MLXIP: variants seen among roughly 807,000 people sequenced by gnomAD.
MLXIP encodes the protein MLX interacting protein.
In MLXIP, 30 loss-of-function variants were observed where a neutral mutation model predicts 87.2. That is an observed-to-expected ratio of 0.34 (90% CI 0.26 to 0.47). The LOEUF (loss-of-function observed/expected upper bound fraction) is 0.47, where lower values mean the gene tolerates loss of function less well. MLXIP is among the 20% of genes least tolerant of loss of function. The pLI is 1.00. For missense variants in MLXIP, 1,002 were observed against 1,240.1 expected, an observed-to-expected ratio of 0.81 and a Z score of 2.88; for synonymous variants, 530 against 514.0, an observed-to-expected ratio of 1.03 and a Z score of -0.42.
chr12:122,086,718 G>A (rs535316591), intron 1 of MLXIP, among the ~76,000 whole-genome samples: 6 of 152,118 alleles, frequency 3.9e-5, no homozygotes, highest in Non-Finnish European at 8.8e-5. Flanking sequence ...CCCTCGTGCT[G>A]GCCTGTGGAA....
At chr12:122,090,753 A>G (rs1952234502) in intron 1 of MLXIP, among the ~76,000 whole-genome samples, 1 of 152,232 alleles carries the variant, frequency 6.6e-6, no homozygotes, top group Non-Finnish European at 1.5e-5. Flanking sequence ...ACCTGAAGCT[A>G]TCTTCCCAGA....
intron 1 of MLXIP, among the ~76,000 whole-genome samples, chr12:122,122,769 G>C (rs1053407943): frequency 6.6e-6 from 1 of 151,774 alleles, no homozygotes; most frequent in Non-Finnish European, 1.5e-5. Context: ...GGATGGTCTC[G>C]ATCTCTTGAC....
chr12:122,109,113 A>G (rs956499341), intron 1 of MLXIP, among the ~76,000 whole-genome samples: 1 of 152,204 alleles, frequency 6.6e-6, no homozygotes, highest in African/African-American at 2.4e-5. Flanking sequence ...TTGTATTTTT[A>G]GTAGAGATGG....
Position 122,127,871 on chromosome 12 carries a change from C to G in MLXIP, c.521-12C>G, listed in dbSNP as rs545374965. The stretch of plus-strand genomic sequence containing the variant: ...GGATCATGGTGCTGACTCTCACCCT[C>G]TCTCTGCTCAGATCTGGAGAAGCGC... On this transcript the variant is annotated splice_polypyrimidine_tract_variant and intron_variant, in intron 2 of 16. Transcript: ENST00000319080. 1.1e-5 allele frequency: 18 copies of G among 1,612,918 alleles called. No homozygotes were observed. The East Asian group carries it at 3.8e-4, about 34-fold the overall frequency.
intron 1 of MLXIP, among the ~76,000 whole-genome samples, chr12:122,115,482 A>T (rs1472106136): frequency 1.3e-5 from 2 of 150,256 alleles, no homozygotes; most frequent in African/African-American, 2.4e-5. Flanking sequence ...CCAACTACTC[A>T]GGAGGCTGAG....
At chr12:122,097,020 C>T (rs1042982883) in intron 1 of MLXIP, among the ~76,000 whole-genome samples, 11 of 152,202 alleles carry the variant, frequency 7.2e-5, no homozygotes, top group African/African-American at 2.7e-4. Context: ...CAGATTGAGT[C>T]CGGAGATGCC....
At chr12:122,139,224 C>T (rs963635640) in intron 15 of MLXIP, among the ~76,000 whole-genome samples, 7 of 152,166 alleles carry the variant, frequency 4.6e-5, no homozygotes, top group Non-Finnish European at 1.0e-4. Flanking sequence ...ATGCTAGAGC[C>T]ACTTGCAGAA....
chr12:122,129,299 C>T (rs1008067369), intron 4 of MLXIP, 73 bp downstream of exon 4: 49 of 1,367,856 alleles, frequency 3.6e-5, no homozygotes, highest in South Asian at 6.2e-5. Context: ...GGGCCCTGGC[C>T]GAGGCGGTAG....
At chr12:122,127,828 G>A in intron 2 of MLXIP, 55 bp from the exon 3 acceptor site, 5 of 1,454,428 alleles carry the variant, frequency 3.4e-6, no homozygotes, top group Non-Finnish European at 4.8e-6. Flanking sequence ...AGACAGGCTG[G>A]GGCTCCCTCA....
At chr12:122,101,561 TA>T (rs1250594670) in intron 1 of MLXIP, among the ~76,000 whole-genome samples, 8 of 142,112 alleles carry the variant, frequency 5.6e-5, no homozygotes, top group South Asian at 4.3e-4. Flanking sequence ...TTTATTTATT[TA>T]TTTATTTTTT....
chr12:122,121,768 C>A (rs1026542452), intron 1 of MLXIP, among the ~76,000 whole-genome samples: 1 of 152,250 alleles, frequency 6.6e-6, no homozygotes, highest in East Asian at 1.9e-4. Context: ...TCTTGCCAGC[C>A]CTCTGAGGAA....
chr12:122,099,518 G>T (rs1209436886), intron 1 of MLXIP, among the ~76,000 whole-genome samples: 1 of 152,236 alleles, frequency 6.6e-6, no homozygotes, highest in Non-Finnish European at 1.5e-5. Flanking sequence ...CTGTGGTCAG[G>T]TTCCCCACCT....
chr12:122,106,097 G>A (rs1952515670), intron 1 of MLXIP, among the ~76,000 whole-genome samples: 1 of 152,220 alleles, frequency 6.6e-6, no homozygotes. Context: ...TGCACTGTGG[G>A]TGGTGTTATC....
chr12:122,132,242 G>A, intron 7 of MLXIP, 50 bp from the exon 8 acceptor site: 2 of 1,451,498 alleles, frequency 1.4e-6, no homozygotes, highest in Non-Finnish European at 1.9e-6. Context: ...CTTGATTCCA[G>A]CAAATGCTGG....
chr12:122,101,562 ATTTAT>A (rs1214131767), intron 1 of MLXIP, among the ~76,000 whole-genome samples: 1 of 122,164 alleles, frequency 8.2e-6, no homozygotes, highest in Middle Eastern at 4.3e-3. Flanking sequence ...TTATTTATTT[ATTTAT>A]TTTTTTCTTT....
chr12:122,090,786 T>G (rs1952234996), intron 1 of MLXIP, among the ~76,000 whole-genome samples: 2 of 152,172 alleles, frequency 1.3e-5, no homozygotes, highest in South Asian at 4.1e-4. Flanking sequence ...TGAAAACAAC[T>G]TTTGCAATGA....
In MLXIP at chr12:122,135,734, G is replaced by A. The variant is rs1953079211; in HGVS notation, c.2032+68G>A. ...AGTAACTGGGCCTGCCGTAGACCAT[G>A]GGGGGTGCTTGCTGGGTCCCCAGGA... On this transcript the variant is annotated intron_variant, in intron 11 of 16. Transcript: ENST00000319080. This position sits in a 1 kb window ranked among gnomAD's most constrained non-coding sequence, Gnocchi z 5.3. 2 of 1,430,510 alleles carry A rather than the reference G, an allele frequency of 1.4e-6. No individual in the cohort carries two copies. Among genetic ancestry groups the A allele is most frequent in the African/African-American group, 1.4e-5 (1 of 69,448 alleles). The allele number at this position is 1,430,510 out of a possible 1,614,324, so 88.6% of individuals were successfully genotyped here.
intron 1 of MLXIP, among the ~76,000 whole-genome samples, chr12:122,089,577 A>G (rs142338625): frequency 0.015 from 2,344 of 152,202 alleles, 49 homozygotes; most frequent in African/African-American, 0.053. Flanking sequence ...CTGTAAGTGT[A>G]ATTTACATAG....
chr12:122,130,461 G>A (rs903390626), intron 6 of MLXIP, among the ~76,000 whole-genome samples: 4 of 151,594 alleles, frequency 2.6e-5, no homozygotes, highest in African/African-American at 9.7e-5. Context: ...CGTGACTCAT[G>A]CTAAAGAAAA....
Sources: allele counts gnomAD v4.1 joint callset (sites outside exome capture counted in the v4.1 genomes callset), GRCh38; gene constraint gnomAD v4.1.1; non-coding constraint Gnocchi (gnomAD v3.1); transcripts MANE v1.5; gene names NCBI Gene and HGNC (gene_info 2026-07-23, HGNC 2026-07-21).